Variants in MAP3K1 observed in about 807,000 individuals in gnomAD.
MAP3K1 encodes MAP/ERK kinase kinase 1.
Under a neutral mutation model 144.2 loss-of-function variants are expected in MAP3K1, and 36 were observed. The ratio of observed to expected loss-of-function variants is 0.25; its 90% CI spans 0.19 to 0.33. The LOEUF is 0.33. Among genes scored for constraint, MAP3K1 ranks in the 10% least tolerant of loss-of-function variants. The pLI, the probability that MAP3K1 is intolerant of heterozygous loss-of-function variation, is 1.00. For synonymous variants in MAP3K1, 718 were observed against 688.7 expected (o/e 1.04, Z -0.67); for missense variants, 1,650 against 1,881.9 (o/e 0.88, Z 2.28).
Position 56,831,003 on chromosome 5 carries a change from C to T in MAP3K1, c.482+14948C>T, listed in dbSNP as rs143790932. Among the ~76,000 whole-genome samples the T allele has an allele frequency of 2.8e-3, 427 of 151,102 alleles. 3 individuals carry two copies. The highest frequency in any genetic ancestry group is 9.9e-3 in the African/African-American group (408 of 41,044). On this transcript the variant is annotated intron_variant, in intron 1 of 19. Transcript: ENST00000399503. ...GTAAATGTTTTGTAAGAAGTTTCTG[C>T]GTAAGGAATATAATATATTTAAAAT...
intron 1 of MAP3K1, among the ~76,000 whole-genome samples, chr5:56,842,839 A>G (rs919047684): frequency 6.6e-6 from 1 of 152,124 alleles, no homozygotes; most frequent in Admixed American, 6.6e-5. Context: ...TTTTATAGTG[A>G]GGAAATTGAG....
chr5:56,888,339 T>C lies in MAP3K1; in HGVS notation c.4371T>C (p.His1457=), dbSNP rs367581191. Residue 1457 remains histidine (H), a synonymous_variant, in exon 19 of 20, where the codon CAT becomes CAC. Coordinates refer to ENST00000399503, the MANE Select transcript of MAP3K1 (RefSeq NM_005921.2). The part of the protein sequence containing the change: ...PPWNAEKHSN[H]LALIFKIASA... ...GGAATGCAGAAAAACACTCCAATCA[T>C]CTTGCTTTGATATTTAAGGTAATTG... 1 of 1,613,974 alleles carries C rather than the reference T, an allele frequency of 6.2e-7. No homozygotes were observed. The highest frequency in any genetic ancestry group is 1.3e-5 in the African/African-American group (1 of 74,930).
chr5:56,878,306 T>C (rs950652499), intron 10 of MAP3K1, among the ~76,000 whole-genome samples: 3 of 151,670 alleles, frequency 2.0e-5, no homozygotes, highest in African/African-American at 7.3e-5. Flanking sequence ...CTGTCGGGGG[T>C]CGGGAGGTAG....
intron 19 of MAP3K1, among the ~76,000 whole-genome samples, chr5:56,892,689 A>G (rs975484434): frequency 6.6e-6 from 1 of 152,188 alleles, no homozygotes; most frequent in Non-Finnish European, 1.5e-5. Flanking sequence ...CACTGAAAAA[A>G]ATTATTTTTA....
chr5:56,882,463 G>C lies in MAP3K1; in HGVS notation c.3263G>C (p.Ser1088Thr), dbSNP rs750051049. 3 of 1,614,144 alleles carry C rather than the reference G, an allele frequency of 1.9e-6. No individual in the cohort carries two copies. The highest frequency in any genetic ancestry group is 3.3e-5 in the Admixed American group (2 of 60,010). ...KNSMTLDLNS[S>T]SKCDDSFGCS... Reference sequence around the variant, plus strand: ...AGCATGACACTTGATCTGAACAGTAGTTCCAAATGTGATGACAGCTTTGGC... The same window carrying C: ...AGCATGACACTTGATCTGAACAGTACTTCCAAATGTGATGACAGCTTTGGC... The change falls in exon 14 of 20, where the codon AGT becomes ACT. Residue 1088 changes from serine to threonine, a missense_variant. Physicochemically the swap from Ser to Thr is moderately conservative, Grantham distance 58. Transcript: ENST00000399503.
rs1433829054 is a variant in MAP3K1, at chr5:56,815,953, C to T, written c.380C>T (p.Ser127Leu). Reference protein sequence around the residue: ...ASRGGAHLTESVAAPDSGASS... With the variant: ...ASRGGAHLTELVAAPDSGASS... ...CGCGGCGGCGCCCACCTTACCGAGTCGGTGGCGGCGCCGGACAGCGGCGCC... is the reference window on the plus strand; with the variant it reads ...CGCGGCGGCGCCCACCTTACCGAGTTGGTGGCGGCGCCGGACAGCGGCGCC... Residue 127 changes from serine to leucine, a missense_variant, in exon 1 of 20, where the codon TCG becomes TTG. By Grantham distance (145) the Ser-to-Leu change is moderately radical (BLOSUM62 -2). Around this residue, in one of 6 missense-constraint regions of MAP3K1, gnomAD observed 360 missense variants for 274.7 expected, o/e 1.31. Transcript: ENST00000399503. 3 of 1,258,244 alleles carry T rather than the reference C, an allele frequency of 2.4e-6. No homozygotes were observed. Among genetic ancestry groups the T allele is most frequent in the African/African-American group, 1.6e-5 (1 of 63,854 alleles). 77.9% of individuals were successfully genotyped at this position (1,258,244 alleles called of 1,614,324 possible). A position where few individuals can be genotyped will look rare whatever the true frequency, so the allele number is the denominator to read the frequency against.
chr5:56,823,146 A>G (rs1380913000), intron 1 of MAP3K1, among the ~76,000 whole-genome samples: 3 of 152,188 alleles, frequency 2.0e-5, no homozygotes, highest in Non-Finnish European at 4.4e-5. Flanking sequence ...GATGGCTTCC[A>G]TTTGGATAAA....
intron 1 of MAP3K1, among the ~76,000 whole-genome samples, chr5:56,842,858 A>G (rs1376959948): frequency 6.6e-6 from 1 of 152,144 alleles, no homozygotes; most frequent in Non-Finnish European, 1.5e-5. Flanking sequence ...AGGCACAAAG[A>G]AGCACTTCTA....
intron 1 of MAP3K1, among the ~76,000 whole-genome samples, chr5:56,831,509 G>A (rs1458044295): frequency 6.6e-6 from 1 of 152,072 alleles, no homozygotes; most frequent in African/African-American, 2.4e-5. Flanking sequence ...TGTTCATTTT[G>A]TAATTCGAGT....
chr5:56,872,618 A>AT, intron 7 of MAP3K1, 23 bp from the exon 8 acceptor site: 1 of 1,364,344 alleles, frequency 7.3e-7, no homozygotes, highest in Non-Finnish European at 1.0e-6. Flanking sequence ...TTTTTGTAAG[A>AT]TTTTGTTTCT....
At chr5:56,816,188 C>T (rs1320876831) in intron 1 of MAP3K1, 133 bp downstream of exon 1, 8 of 915,762 alleles carry the variant, frequency 8.7e-6, no homozygotes, top group Non-Finnish European at 1.1e-5. Context: ...GGGACCTACG[C>T]CCCTGAGCAC....
At chr5:56,873,261 CG>C (rs1747915911) in intron 9 of MAP3K1, among the ~76,000 whole-genome samples, 1 of 152,120 alleles carries the variant, frequency 6.6e-6, no homozygotes, top group Non-Finnish European at 1.5e-5. Context: ...AACGGACATA[CG>C]GGGTTATTCA....
At chr5:56,860,479 A>G (rs1747473577) in intron 3 of MAP3K1, among the ~76,000 whole-genome samples, 1 of 152,238 alleles carries the variant, frequency 6.6e-6, no homozygotes, top group African/African-American at 2.4e-5. Flanking sequence ...ATGAGTGACC[A>G]ACAAACTATG....
chr5:56,856,412 A>T (rs550067935), intron 1 of MAP3K1, among the ~76,000 whole-genome samples, 188 bp from the exon 2 acceptor site: 3 of 152,346 alleles, frequency 2.0e-5, no homozygotes, highest in African/African-American at 7.2e-5. Flanking sequence ...ATAGGTCTGC[A>T]TGATATATGT....
chr5:56,831,829 C>T (rs1746503379), intron 1 of MAP3K1, among the ~76,000 whole-genome samples: 1 of 152,298 alleles, frequency 6.6e-6, no homozygotes, highest in African/African-American at 2.4e-5. Context: ...AAACAGTTTA[C>T]TGTGTCTGTT....
intron 19 of MAP3K1, among the ~76,000 whole-genome samples, chr5:56,891,972 G>A (rs1202861167): frequency 6.6e-6 from 1 of 152,146 alleles, no homozygotes; most frequent in African/African-American, 2.4e-5. Context: ...GTAGCATGAT[G>A]CCTCCAGCTT....
chr5:56,815,790 C>T lies in MAP3K1; in HGVS notation c.217C>T (p.Leu73=), dbSNP rs762225049. 1 of 1,420,834 alleles carries T rather than the reference C, an allele frequency of 7.0e-7. No individual in the cohort carries two copies. Among genetic ancestry groups the T allele is most frequent in the East Asian group, 3.1e-5 (1 of 31,972 alleles). The allele number at this position is 1,420,834 out of a possible 1,614,324, so 88.0% of individuals were successfully genotyped here. ...RKVRSVELDQ[L]PEQPLFLAAS... ...AGTGCGGAGTGTGGAGCTGGACCAG[C>T]TGCCTGAGCAGCCGCTCTTCCTTGC... The change falls in exon 1 of 20, where the codon CTG becomes TTG. Residue 73 remains leucine (L), a synonymous_variant. Coordinates refer to ENST00000399503, the MANE Select transcript of MAP3K1 (RefSeq NM_005921.2).
At chr5:56,841,196 T>C (rs985156615) in intron 1 of MAP3K1, among the ~76,000 whole-genome samples, 3 of 102,700 alleles carry the variant, frequency 2.9e-5, no homozygotes, top group African/African-American at 8.8e-5. Flanking sequence ...GTATGGCTTA[T>C]TGATTTAAAA....
At chr5:56,883,749 TA>T (rs1412779006) in intron 15 of MAP3K1, 70 bp downstream of exon 15, 34 of 1,494,376 alleles carry the variant, frequency 2.3e-5, no homozygotes, top group African/African-American at 4.1e-5. Context: ...GTAAAAAGAA[TA>T]AAGGATATGT....
Sources: gnomAD v4.1 joint callset for allele counts (sites outside exome capture counted in the v4.1 genomes callset) on GRCh38, gnomAD v4.1.1 for gene constraint, gnomAD v4.1.1 regional missense constraint, MANE v1.5 for transcripts, NCBI Gene and HGNC (gene_info 2026-07-23, HGNC 2026-07-21) for gene names.